MARCHF8: variants seen among roughly 807,000 people sequenced by gnomAD.
The protein encoded by MARCHF8 is membrane associated ring-CH-type finger 8.
In MARCHF8, 40 loss-of-function variants were observed where a neutral mutation model predicts 51.6. That is an observed-to-expected ratio of 0.77 (90% CI 0.60 to 1.01). The LOEUF (loss-of-function observed/expected upper bound fraction) is 1.01, where lower values mean the gene tolerates loss of function less well. MARCHF8 is among the 50% of genes least tolerant of loss of function. The pLI, the probability that MARCHF8 is intolerant of heterozygous loss-of-function variation, is 0.00. For missense variants in MARCHF8, 685 were observed against 708.6 expected, an observed-to-expected ratio of 0.97 and a Z score of 0.38; for synonymous variants, 263 against 280.3, an observed-to-expected ratio of 0.94 and a Z score of 0.62.
At chr10:45,500,437 T>C (rs918414033) in intron 2 of MARCHF8, among the ~76,000 whole-genome samples, 8 of 152,212 alleles carry the variant, frequency 5.3e-5, no homozygotes, top group Admixed American at 2.6e-4. Flanking sequence ...TCTTGCCTAA[T>C]TGCTCAGCTA....
At position 45,489,492 on chromosome 10, in the gene MARCHF8, C is replaced by T. The variant is rs184476415; in HGVS notation, c.103-75G>A. 40 of 1,293,532 alleles carry T rather than the reference C, an allele frequency of 3.1e-5. No individual in the cohort carries two copies. In the East Asian group the frequency reaches 8.6e-4, roughly 28 times the overall value. The allele number at this position is 1,293,532 out of a possible 1,614,324, so 80.1% of individuals were successfully genotyped here. Reference sequence around the variant, plus strand: ...GCAAAGAACAAGTAATTGATCACAACAACCCTACTGACAAATCATTCCCTG... The same window carrying T: ...GCAAAGAACAAGTAATTGATCACAATAACCCTACTGACAAATCATTCCCTG... On this transcript the variant is annotated intron_variant, in intron 2 of 7. Coordinates refer to ENST00000453424, the MANE Select transcript of MARCHF8 (RefSeq NM_001282866.2).
intron 2 of MARCHF8, among the ~76,000 whole-genome samples, chr10:45,508,797 CTA>C (rs1042145194): frequency 6.6e-6 from 1 of 152,104 alleles, no homozygotes; most frequent in African/African-American, 2.4e-5. Flanking sequence ...CATCCTTTAA[CTA>C]TAGAGTTCAT....
chr10:45,510,508 AG>A (rs920153014), intron 2 of MARCHF8, among the ~76,000 whole-genome samples: 1 of 152,238 alleles, frequency 6.6e-6, no homozygotes, highest in African/African-American at 2.4e-5. Flanking sequence ...ATTTTAACTC[AG>A]GAAAAAAACA....
At chr10:45,495,078 C>T (rs1039147721) in intron 2 of MARCHF8, among the ~76,000 whole-genome samples, 8 of 150,904 alleles carry the variant, frequency 5.3e-5, no homozygotes, top group Non-Finnish European at 7.4e-5. Context: ...CGAGATCGCG[C>T]GACTGAACTC....
rs1842868994 is a variant in MARCHF8 at position 45,463,613 on chromosome 10, G to GAAAC, written c.625_626insGTTT (p.Pro209ArgfsTer43). On this transcript the variant is annotated frameshift_variant, in exon 5 of 8. Coordinates refer to ENST00000453424, the MANE Select transcript of MARCHF8 (RefSeq NM_001282866.2). LOFTEE classifies it high-confidence loss of function. Reference sequence around the variant, plus strand: ...ACAAGAATGTTTGGAATTGCCAAGAGGTTTGTGGTTCAGGGTTCTTTTTTC... The same window carrying GAAAC: ...ACAAGAATGTTTGGAATTGCCAAGAGAAACGTTTGTGGTTCAGGGTTCTTTTTTC... The GAAAC allele has an allele frequency of 1.3e-6, 2 of 1,550,668 alleles. No homozygotes were observed. Among genetic ancestry groups the GAAAC allele is most frequent in the Non-Finnish European group, 8.7e-7 (1 of 1,147,012 alleles).
At chr10:45,529,852 T>C (rs2133266130) in intron 2 of MARCHF8, among the ~76,000 whole-genome samples, 1 of 152,314 alleles carries the variant, frequency 6.6e-6, no homozygotes, top group Middle Eastern at 3.4e-3. Context: ...GAGTGTAAAC[T>C]AGTACAGCTG....
At chr10:45,514,794 A>G (rs756612602) in intron 2 of MARCHF8, among the ~76,000 whole-genome samples, 7 of 152,026 alleles carry the variant, frequency 4.6e-5, no homozygotes, top group Non-Finnish European at 1.0e-4. Context: ...TACTTGAAAT[A>G]TTTTTTTTAA....
At chr10:45,476,335 A>ATCC (rs2042786594) in intron 3 of MARCHF8, among the ~76,000 whole-genome samples, 3 of 152,308 alleles carry the variant, frequency 2.0e-5, no homozygotes, top group African/African-American at 7.2e-5. Flanking sequence ...AGCCCCAGGC[A>ATCC]TGAGGATTGC....
chr10:45,473,934 C>A (rs2042740606), intron 3 of MARCHF8, among the ~76,000 whole-genome samples: 1 of 152,178 alleles, frequency 6.6e-6, no homozygotes, highest in Non-Finnish European at 1.5e-5. Flanking sequence ...TGGCTCCTTT[C>A]CACCTCTCAC....
intron 2 of MARCHF8, among the ~76,000 whole-genome samples, chr10:45,512,427 C>A (rs1402123159): frequency 2.0e-5 from 3 of 150,976 alleles, no homozygotes; most frequent in Non-Finnish European, 4.4e-5. Flanking sequence ...GGCCAGCCAC[C>A]CCGTCCGGGA....
chr10:45,548,633 T>C (rs1165014921), intron 1 of MARCHF8, among the ~76,000 whole-genome samples: 1 of 152,214 alleles, frequency 6.6e-6, no homozygotes, highest in Non-Finnish European at 1.5e-5. Context: ...AGGGTTCTTT[T>C]AGCATTTCAC....
At chr10:45,496,562 A>C (rs1267690338) in intron 2 of MARCHF8, among the ~76,000 whole-genome samples, 1 of 152,138 alleles carries the variant, frequency 6.6e-6, no homozygotes, top group African/African-American at 2.4e-5. Flanking sequence ...AAAATAACAA[A>C]CTGTATAAAC....
chr10:45,526,952 A>G lies in MARCHF8; in HGVS notation c.102+6158T>C, dbSNP rs138407125. On this transcript the variant is annotated intron_variant, in intron 2 of 7. Coordinates refer to ENST00000453424, the MANE Select transcript of MARCHF8 (RefSeq NM_001282866.2). ...TCTCAGACTACAGTGGAAAAAACCT[A>G]AAGTCAATTCCAAGAAGGACTCTCA... is the stretch of plus-strand genomic sequence containing the variant. Among the ~76,000 whole-genome samples, 40 of 152,324 alleles carry G rather than the reference A, an allele frequency of 2.6e-4. No homozygotes were observed. The East Asian group carries it at 6.7e-3, about 26-fold the overall frequency.
chr10:45,586,596 T>G (rs1247180020), intron 1 of MARCHF8, among the ~76,000 whole-genome samples: 1 of 152,140 alleles, frequency 6.6e-6, no homozygotes, highest in African/African-American at 2.4e-5. Context: ...TATCAGCAAT[T>G]TATGTAAAAT....
rs1842554015 is a variant in MARCHF8 at position 45,454,777 on chromosome 10, G to A, written c.*3462C>T. ...AATTTCAAATGTGAAGTGCCTTTTA[G>A]AAACTACACCACACATGCCAGTGTA... On this transcript the variant is annotated 3_prime_UTR_variant, in exon 8 of 8. Coordinates refer to ENST00000453424, the MANE Select transcript of MARCHF8 (RefSeq NM_001282866.2). 2 of 152,202 alleles carry A rather than the reference G, an allele frequency of 1.3e-5. No individual in the cohort carries two copies. The highest frequency in any genetic ancestry group is 4.8e-5 in the African/African-American group (2 of 41,428). 9.4% of individuals were successfully genotyped at this position (152,202 alleles called of 1,614,324 possible).
chr10:45,571,297 T>C (rs141625213), intron 1 of MARCHF8, among the ~76,000 whole-genome samples: 2,705 of 152,294 alleles, frequency 0.018, 78 homozygotes, highest in African/African-American at 0.061. Context: ...CTGCCTTAAC[T>C]GATGACATTA....
At chr10:45,533,950 A>C (rs1193091825) in intron 1 of MARCHF8, among the ~76,000 whole-genome samples, 1 of 152,150 alleles carries the variant, frequency 6.6e-6, no homozygotes, top group African/African-American at 2.4e-5. Flanking sequence ...TTGGGAGGCC[A>C]AGGCGGGCAA....
chr10:45,585,739 A>AT (rs1433830254), intron 1 of MARCHF8, among the ~76,000 whole-genome samples: 1 of 152,180 alleles, frequency 6.6e-6, no homozygotes, highest in Non-Finnish European at 1.5e-5. Flanking sequence ...AAATATTGTA[A>AT]TATCTATTCA....
intron 2 of MARCHF8, among the ~76,000 whole-genome samples, chr10:45,516,677 T>TC (rs1232777280): frequency 2.0e-5 from 3 of 152,106 alleles, no homozygotes; most frequent in Non-Finnish European, 2.9e-5. Context: ...TGCAGGAGAA[T>TC]CGCTTGAACC....
Sources: allele counts gnomAD v4.1 joint callset (sites outside exome capture counted in the v4.1 genomes callset), GRCh38; gene constraint gnomAD v4.1.1; transcripts MANE v1.5; gene names NCBI Gene and HGNC (gene_info 2026-07-23, HGNC 2026-07-21).